Variants in ABCC5 observed in about 807,000 individuals in gnomAD.
ABCC5 encodes ATP-binding cassette sub-family C member 5.
A neutral mutation model predicts 160.9 loss-of-function variants in ABCC5; 61 were observed. The ratio of observed to expected loss-of-function variants is 0.38; its 90% CI spans 0.31 to 0.47. The LOEUF (loss-of-function observed/expected upper bound fraction) is 0.47, where lower values mean the gene tolerates loss of function less well. Among genes scored for constraint, ABCC5 ranks in the 20% least tolerant of loss-of-function variants. The pLI, the probability that ABCC5 is intolerant of heterozygous loss-of-function variation, is 0.99. For synonymous variants in ABCC5, 666 were observed against 700.6 expected (o/e 0.95, Z 0.78); for missense variants, 1,308 against 1,813.3 (o/e 0.72, Z 5.06).
chr3:183,929,737 C>T (rs1257609568), intron 26 of ABCC5, among the ~76,000 whole-genome samples: 5 of 152,118 alleles, frequency 3.3e-5, no homozygotes, highest in Non-Finnish European at 7.3e-5. Context: ...ACCAAAAGAA[C>T]GAGACTAGAA....
intron 8 of ABCC5, among the ~76,000 whole-genome samples, chr3:183,980,035 T>C (rs1718576145): frequency 6.6e-6 from 1 of 152,084 alleles, no homozygotes. Flanking sequence ...CCACCACGCC[T>C]AGCTAATTTT....
At chr3:184,014,475 G>C in intron 1 of ABCC5, 28 bp from the exon 2 acceptor site, 1 of 1,392,060 alleles carries the variant, frequency 7.2e-7, no homozygotes, top group Non-Finnish European at 9.5e-7. Context: ...TCAAGAAATA[G>C]ATTATTTCCT....
chr3:183,961,701 C>T (rs371369581), intron 15 of ABCC5, 47 bp from the exon 16 acceptor site: 4 of 1,607,498 alleles, frequency 2.5e-6, no homozygotes, highest in East Asian at 4.5e-5. Context: ...TGTGCAAATA[C>T]ATTCAAAAAC....
chr3:183,993,379 G>C (rs1490047368), intron 2 of ABCC5, among the ~76,000 whole-genome samples: 1 of 151,542 alleles, frequency 6.6e-6, no homozygotes, highest in Non-Finnish European at 1.5e-5. Flanking sequence ...AGATACTCAG[G>C]AGGCTGAGGT....
At chr3:183,944,259 T>C (rs971764371) in intron 24 of ABCC5, among the ~76,000 whole-genome samples, 3 of 152,100 alleles carry the variant, frequency 2.0e-5, no homozygotes, top group Non-Finnish European at 4.4e-5. Context: ...CTGGGCCTAG[T>C]GGCGCATGCC....
intron 26 of ABCC5, among the ~76,000 whole-genome samples, chr3:183,937,342 A>ACTTCAGC: frequency 6.6e-6 from 1 of 152,328 alleles, no homozygotes; most frequent in Middle Eastern, 3.4e-3. Flanking sequence ...GTGCCACTGC[A>ACTTCAGC]CTTCAGCCTG....
chr3:183,975,097 A>G (rs1433985432), intron 10 of ABCC5, among the ~76,000 whole-genome samples: 3 of 152,244 alleles, frequency 2.0e-5, no homozygotes, highest in African/African-American at 7.2e-5. Flanking sequence ...ATGAGAGGGC[A>G]GATGCTTTTG....
chr3:183,972,740 GTTCAAGA>G (rs1157028976), intron 10 of ABCC5, among the ~76,000 whole-genome samples: 1 of 152,094 alleles, frequency 6.6e-6, no homozygotes, highest in Non-Finnish European at 1.5e-5. Context: ...CACCTCCCAG[GTTCAAGA>G]GATTCTGATG....
chr3:183,993,812 C>A (rs1417394548), intron 2 of ABCC5, among the ~76,000 whole-genome samples: 2 of 152,120 alleles, frequency 1.3e-5, no homozygotes, highest in Non-Finnish European at 2.9e-5. Context: ...CAATACTATA[C>A]AACCATTGCC....
At chr3:183,952,562 G>A (rs1281817920) in intron 18 of ABCC5, among the ~76,000 whole-genome samples, 1 of 152,098 alleles carries the variant, frequency 6.6e-6, no homozygotes, top group African/African-American at 2.4e-5. Flanking sequence ...TGACCGGATT[G>A]TGGGGTGGAT....
intron 5 of ABCC5, chr3:183,984,982 GCCTCCCA>G: frequency 8.7e-7 from 1 of 1,148,508 alleles, no homozygotes; most frequent in East Asian, 2.6e-5. Context: ...TAGCATCAGC[GCCTCCCA>G]GATGGGAGGA....
Position 184,014,247 on chromosome 3 carries a change from TAGGAA to T in ABCC5, c.129+12_129+16del, listed in dbSNP as rs777673339. 1 of 1,609,100 alleles carries T rather than the reference TAGGAA, an allele frequency of 6.2e-7. No individual in the cohort carries two copies. The highest frequency in any genetic ancestry group is 8.5e-7 in the Non-Finnish European group (1 of 1,177,876). On this transcript the variant is annotated intron_variant, in intron 2 of 29. Coordinates refer to ENST00000334444, the MANE Select transcript of ABCC5 (RefSeq NM_005688.4). Reference sequence around the variant, plus strand: ...GTACAACAAGCAGGTAAGAGACTCTTAGGAAAGGAAACTGACCGGTCGAGTTCTCC... The same window carrying T: ...GTACAACAAGCAGGTAAGAGACTCTTAGGAAACTGACCGGTCGAGTTCTCC...
intron 15 of ABCC5, among the ~76,000 whole-genome samples, chr3:183,962,365 A>AT (rs761056693): frequency 0.048 from 7,260 of 152,184 alleles, 268 homozygotes; most frequent in East Asian, 0.17. Flanking sequence ...TAAGCCAGCG[A>AT]CTGTCTCTAC....
At chr3:183,937,032 T>C (rs1470009419) in intron 26 of ABCC5, among the ~76,000 whole-genome samples, 1 of 152,114 alleles carries the variant, frequency 6.6e-6, no homozygotes, top group Non-Finnish European at 1.5e-5. Flanking sequence ...GGGAAGATAG[T>C]AGAAAATGAA....
At chr3:183,936,188 G>A (rs1713700994) in intron 26 of ABCC5, among the ~76,000 whole-genome samples, 1 of 152,076 alleles carries the variant, frequency 6.6e-6, no homozygotes, top group Non-Finnish European at 1.5e-5. Flanking sequence ...GGCACACACC[G>A]AGGAAAGGCC....
chr3:183,965,301 G>C (rs763321447), intron 13 of ABCC5, 44 bp from the exon 14 acceptor site: 2 of 1,614,130 alleles, frequency 1.2e-6, no homozygotes, highest in African/African-American at 1.3e-5. Context: ...GGCGGGAGCA[G>C]AGCCTGCTGA....
intron 7 of ABCC5, 66 bp from the exon 8 acceptor site, chr3:183,981,940 T>A (rs1356856318): frequency 1.6e-5 from 24 of 1,522,562 alleles, no homozygotes; most frequent in Non-Finnish European, 2.1e-5. Flanking sequence ...CCTAATCTGC[T>A]TAAGGTCATT....
At chr3:183,973,666 G>T (rs1193335883) in intron 10 of ABCC5, among the ~76,000 whole-genome samples, 1 of 152,124 alleles carries the variant, frequency 6.6e-6, no homozygotes, top group East Asian at 1.9e-4. Flanking sequence ...TCCCCGAAGT[G>T]TCATGATTCT....
At chr3:183,940,344 CAAA>C (rs780123476) in intron 25 of ABCC5, among the ~76,000 whole-genome samples, 5 of 121,626 alleles carry the variant, frequency 4.1e-5, no homozygotes, top group Admixed American at 8.4e-5. Context: ...CTAAAAAATA[CAAA>C]AAAAAAAAAA....
Sources: gnomAD v4.1 joint callset for allele counts (sites outside exome capture counted in the v4.1 genomes callset) on GRCh38, gnomAD v4.1.1 for gene constraint, MANE v1.5 for transcripts, NCBI Gene and HGNC (gene_info 2026-07-23, HGNC 2026-07-21) for gene names.